Variants in ACYP2 observed in about 807,000 individuals in gnomAD.
ACYP2 encodes acylphosphatase-2.
In ACYP2, 12 loss-of-function variants were observed where a neutral mutation model predicts 11.2. The observed-to-expected ratio is 1.08, with a 90% CI of 0.69 to 1.74. The LOEUF (loss-of-function observed/expected upper bound fraction) is 1.74, where lower values mean the gene tolerates loss of function less well. ACYP2 is among the 40% of genes most tolerant of loss of function. The pLI is 0.00. For synonymous variants in ACYP2, 43 were observed against 32.2 expected (o/e 1.33, Z -1.13); for missense variants, 134 against 101.9 (o/e 1.31, Z -1.35).
At chr2:54,298,859 C>A (rs1314326089) in intron 6 of ACYP2, among the ~76,000 whole-genome samples, 1 of 152,194 alleles carries the variant, frequency 6.6e-6, no homozygotes, top group Non-Finnish European at 1.5e-5. Context: ...TGAAGCGATT[C>A]TCTTGCCTCA....
chr2:54,116,334 T>A (rs1679789678), intron 4 of ACYP2, among the ~76,000 whole-genome samples: 1 of 152,182 alleles, frequency 6.6e-6, no homozygotes, highest in South Asian at 2.1e-4. Context: ...ATTAAGTCAC[T>A]CTGAGATTTA....
intron 6 of ACYP2, among the ~76,000 whole-genome samples, chr2:54,149,257 A>G (rs10207892): frequency 0.041 from 6,195 of 152,348 alleles, 151 homozygotes; most frequent in African/African-American, 0.055. Flanking sequence ...GGAATACAAC[A>G]GGGACCATCA....
At chr2:54,017,374 C>T (rs1468713017) in intron 2 of ACYP2, among the ~76,000 whole-genome samples, 1 of 151,336 alleles carries the variant, frequency 6.6e-6, no homozygotes, top group Non-Finnish European at 1.5e-5. Flanking sequence ...CCTGCCTCAG[C>T]CTCCCAGGTA....
chr2:54,007,819 C>T (rs6748997), intron 2 of ACYP2, among the ~76,000 whole-genome samples: 50,626 of 151,646 alleles, frequency 0.33, 9,225 homozygotes, highest in South Asian at 0.53. Flanking sequence ...GAGCTGAGAT[C>T]GTGCCACTGC....
intron 6 of ACYP2, among the ~76,000 whole-genome samples, chr2:54,192,749 C>T (rs1169267781): frequency 1.3e-5 from 2 of 152,114 alleles, no homozygotes; most frequent in South Asian, 2.1e-4. Context: ...TATTGACTCA[C>T]GGTTCTGCAT....
intron 6 of ACYP2, among the ~76,000 whole-genome samples, chr2:54,241,385 A>G (rs893363295): frequency 6.6e-6 from 1 of 152,180 alleles, no homozygotes; most frequent in African/African-American, 2.4e-5. Flanking sequence ...GCCTTCTACT[A>G]ACAAATGTGT....
At chr2:54,244,314 G>A (rs1686856945) in intron 6 of ACYP2, among the ~76,000 whole-genome samples, 2 of 152,094 alleles carry the variant, frequency 1.3e-5, no homozygotes, top group Non-Finnish European at 2.9e-5. Flanking sequence ...CAATTCTTGC[G>A]CCTTAGCCTC....
At chr2:54,050,419 C>T (rs1282170399) in intron 2 of ACYP2, among the ~76,000 whole-genome samples, 2 of 151,640 alleles carry the variant, frequency 1.3e-5, no homozygotes, top group Non-Finnish European at 2.9e-5. Context: ...TGTGGTGGCA[C>T]GTGCCTGTAG....
At chr2:54,278,162 T>C (rs1388164049) in intron 6 of ACYP2, among the ~76,000 whole-genome samples, 4 of 152,092 alleles carry the variant, frequency 2.6e-5, no homozygotes, top group Non-Finnish European at 4.4e-5. Flanking sequence ...GTGTTTTTAG[T>C]AGAGACAGGG....
chr2:54,178,340 G>A (rs1461412268), intron 6 of ACYP2, among the ~76,000 whole-genome samples: 1 of 152,098 alleles, frequency 6.6e-6, no homozygotes, highest in Non-Finnish European at 1.5e-5. Flanking sequence ...TGGCTGGACC[G>A]TGAACCTTGA....
At chr2:54,301,392 C>T (rs908860160) in intron 6 of ACYP2, among the ~76,000 whole-genome samples, 5 of 152,152 alleles carry the variant, frequency 3.3e-5, no homozygotes, top group Non-Finnish European at 7.3e-5. Flanking sequence ...CAATTCCCTT[C>T]TCCCTTTATA....
chr2:54,145,315 G>A (rs1681832926), intron 6 of ACYP2, among the ~76,000 whole-genome samples: 1 of 152,146 alleles, frequency 6.6e-6, no homozygotes, highest in African/African-American at 2.4e-5. Context: ...GATTAAATTA[G>A]GATGCTTTAG....
intron 4 of ACYP2, among the ~76,000 whole-genome samples, chr2:54,096,896 G>T (rs112560432): frequency 1.3e-5 from 2 of 152,224 alleles, no homozygotes; most frequent in Non-Finnish European, 2.9e-5. Flanking sequence ...TAAAAATAGA[G>T]ACGGGGTCTT....
intron 6 of ACYP2, among the ~76,000 whole-genome samples, chr2:54,217,801 G>C (rs1433608038): frequency 6.6e-6 from 1 of 152,172 alleles, no homozygotes; most frequent in Non-Finnish European, 1.5e-5. Context: ...CATGCCTTTA[G>C]CAGGATGTGA....
intron 3 of ACYP2, among the ~76,000 whole-genome samples, chr2:54,056,419 G>C (rs1676153610): frequency 6.6e-6 from 1 of 152,178 alleles, no homozygotes; most frequent in African/African-American, 2.4e-5. Context: ...CCATTGGCAA[G>C]GGCACATGCT....
intron 6 of ACYP2, among the ~76,000 whole-genome samples, chr2:54,156,957 C>G (rs1682462505): frequency 6.6e-6 from 1 of 152,196 alleles, no homozygotes; most frequent in African/African-American, 2.4e-5. Context: ...GCATGACCCA[C>G]TGTGCCTGGT....
At chr2:53,986,353 T>C (rs973065884) in intron 2 of ACYP2, among the ~76,000 whole-genome samples, 1 of 151,564 alleles carries the variant, frequency 6.6e-6, no homozygotes, top group African/African-American at 2.4e-5. Context: ...TTTTTTTTTT[T>C]TTTGATGGAG....
chr2:54,156,688 T>G (rs768462968), intron 6 of ACYP2, among the ~76,000 whole-genome samples: 2 of 152,166 alleles, frequency 1.3e-5, no homozygotes, highest in Non-Finnish European at 2.9e-5. Flanking sequence ...TTTTTTGAGA[T>G]GGAATCTTGC....
At chr2:54,073,001 C>T (rs1677146676) in intron 4 of ACYP2, among the ~76,000 whole-genome samples, 1 of 152,140 alleles carries the variant, frequency 6.6e-6, no homozygotes, top group African/African-American at 2.4e-5. Context: ...TACAAAGGTA[C>T]ATTAATCAAG....
Sources: gnomAD v4.1 joint callset for allele counts (sites outside exome capture counted in the v4.1 genomes callset) on GRCh38, gnomAD v4.1.1 for gene constraint, MANE v1.5 for transcripts, NCBI Gene and HGNC (gene_info 2026-07-23, HGNC 2026-07-21) for gene names.